The following TCF7L1 variants were observed in gnomAD, a reference collection of about 807,000 sequenced individuals.
TCF7L1 encodes transcription factor 7-like 1.
In TCF7L1, 18 loss-of-function variants were observed where a neutral mutation model predicts 63.7. The observed-to-expected ratio is 0.28, with a 90% CI of 0.20 to 0.42. The LOEUF is 0.42. Ranked by LOEUF, TCF7L1 falls within the 10% of genes least tolerant of loss-of-function variation. The pLI, the probability that TCF7L1 is intolerant of heterozygous loss-of-function variation, is 1.00. For missense variants in TCF7L1, 654 were observed against 779.3 expected (o/e 0.84, Z 1.91); for synonymous variants, 355 against 340.9 (o/e 1.04, Z -0.46).
chr2:85,264,449 C>T (rs1193305861), intron 3 of TCF7L1, among the ~76,000 whole-genome samples: 1 of 152,154 alleles, frequency 6.6e-6, no homozygotes, highest in African/African-American at 2.4e-5. Flanking sequence ...GATTGGGTTT[C>T]AGAGTCTGGA....
At chr2:85,307,569 C>A (rs1483227170) in intron 10 of TCF7L1, 73 bp from the exon 11 acceptor site, 3 of 1,315,204 alleles carry the variant, frequency 2.3e-6, no homozygotes, top group Non-Finnish European at 3.3e-6. Flanking sequence ...TGTCTTCTCT[C>A]TGATCTGGGA....
At chr2:85,270,367 C>T (rs1681121271) in intron 3 of TCF7L1, among the ~76,000 whole-genome samples, 1 of 152,214 alleles carries the variant, frequency 6.6e-6, no homozygotes, top group Non-Finnish European at 1.5e-5. Context: ...AAGCCTTCAC[C>T]TCTGTCTAGG....
intron 3 of TCF7L1, among the ~76,000 whole-genome samples, chr2:85,192,186 T>A (rs1475726581): frequency 6.6e-6 from 1 of 152,196 alleles, no homozygotes; most frequent in Non-Finnish European, 1.5e-5. Context: ...CTAATGAAGA[T>A]ATGTCATCTT....
At chr2:85,191,982 A>C (rs1364022984) in intron 3 of TCF7L1, among the ~76,000 whole-genome samples, 3 of 152,218 alleles carry the variant, frequency 2.0e-5, no homozygotes, top group African/African-American at 7.2e-5. Context: ...GTCATTTTGC[A>C]GCATGGAACT....
chr2:85,287,443 C>T (rs546472926), intron 4 of TCF7L1, among the ~76,000 whole-genome samples: 26 of 152,264 alleles, frequency 1.7e-4, no homozygotes, highest in African/African-American at 5.1e-4. Context: ...GTTCTACACC[C>T]GTAGTTCCAA....
At chr2:85,185,664 G>T (rs1181852473) in intron 3 of TCF7L1, among the ~76,000 whole-genome samples, 2 of 152,070 alleles carry the variant, frequency 1.3e-5, no homozygotes, top group Admixed American at 1.3e-4. Context: ...TGGAGAGAGA[G>T]GATGTGTCTC....
chr2:85,302,763 A>T, intron 5 of TCF7L1, 147 bp downstream of exon 5: 1 of 1,094,166 alleles, frequency 9.1e-7, no homozygotes, highest in Non-Finnish European at 1.3e-6. Flanking sequence ...TGCTAACTTT[A>T]GCCTTGTCAT....
chr2:85,274,114 C>T (rs1681217458), intron 3 of TCF7L1, among the ~76,000 whole-genome samples: 1 of 152,158 alleles, frequency 6.6e-6, no homozygotes. Flanking sequence ...GAAAGGAGGA[C>T]TGGGCCTCCA....
intron 4 of TCF7L1, among the ~76,000 whole-genome samples, chr2:85,299,289 C>T (rs190638596): frequency 4.7e-4 from 72 of 152,180 alleles, no homozygotes; most frequent in Admixed American, 4.5e-3. Context: ...GTGGCTCACA[C>T]CTGTAATCCC....
chr2:85,191,983 G>A (rs1161033308), intron 3 of TCF7L1, among the ~76,000 whole-genome samples: 2 of 152,190 alleles, frequency 1.3e-5, no homozygotes, highest in African/African-American at 2.4e-5. Flanking sequence ...TCATTTTGCA[G>A]CATGGAACTT....
chr2:85,264,727 T>C (rs1412890799), intron 3 of TCF7L1, among the ~76,000 whole-genome samples: 1 of 152,162 alleles, frequency 6.6e-6, no homozygotes, highest in Non-Finnish European at 1.5e-5. Flanking sequence ...TAGCCTAGCC[T>C]GGATGCTTGA....
At chr2:85,260,437 G>T (rs1680832239) in intron 3 of TCF7L1, among the ~76,000 whole-genome samples, 1 of 151,874 alleles carries the variant, frequency 6.6e-6, no homozygotes, top group Admixed American at 6.6e-5. Context: ...AGGAGTTCGA[G>T]ACCAGCCTGG....
intron 3 of TCF7L1, among the ~76,000 whole-genome samples, chr2:85,143,179 T>A (rs1677786874): frequency 6.6e-6 from 1 of 152,222 alleles, no homozygotes; most frequent in East Asian, 1.9e-4. Context: ...AATATTTTCA[T>A]TTCTATTCAA....
At chr2:85,160,520 C>T (rs181265625) in intron 3 of TCF7L1, among the ~76,000 whole-genome samples, 176 of 152,200 alleles carry the variant, frequency 1.2e-3, no homozygotes, top group Non-Finnish European at 2.1e-3. Context: ...CTACTGCGCT[C>T]GGCCTTATTT....
chr2:85,216,553 ACC>A (rs1679717125), intron 3 of TCF7L1, among the ~76,000 whole-genome samples: 1 of 152,156 alleles, frequency 6.6e-6, no homozygotes. Context: ...AAGCAAACAT[ACC>A]AGCCCACAAA....
Position 85,204,243 on chromosome 2 carries a change from A to AT in TCF7L1, c.441+69799dup, listed in dbSNP as rs1417131831. ...ACAACTACTATGTATTATTTTGTGG[A>AT]TTTTTTAACACAAAGAGGATTCTGT... On this transcript the variant is annotated intron_variant, in intron 3 of 11. Coordinates refer to ENST00000282111, the MANE Select transcript of TCF7L1 (RefSeq NM_031283.3). Among the ~76,000 whole-genome samples, 41 of 107,472 alleles carry AT rather than the reference A, an allele frequency of 3.8e-4. No homozygotes were observed. In the Admixed American group the frequency reaches 4.0e-3, roughly 10 times the overall value. The allele number at this position is 107,472 out of a possible 152,430, so 70.5% of individuals were successfully genotyped here.
chr2:85,288,332 C>T (rs1056633248), intron 4 of TCF7L1, among the ~76,000 whole-genome samples: 5 of 151,986 alleles, frequency 3.3e-5, no homozygotes, highest in Middle Eastern at 3.2e-3. Flanking sequence ...CAGCCAGAGT[C>T]GAGGATCATT....
intron 3 of TCF7L1, among the ~76,000 whole-genome samples, chr2:85,270,304 A>G (rs1054908775): frequency 4.6e-5 from 7 of 152,180 alleles, no homozygotes; most frequent in African/African-American, 1.7e-4. Context: ...CTTTTGGTCA[A>G]TGGACTTTCT....
chr2:85,244,490 TGGAACAAATGTG>T (rs1218548457), intron 3 of TCF7L1, among the ~76,000 whole-genome samples: 1 of 151,950 alleles, frequency 6.6e-6, no homozygotes, highest in Non-Finnish European at 1.5e-5. Context: ...GATTTGCTGA[TGGAACAAATGTG>T]GGGAGCAAGA....
Sources: allele counts gnomAD v4.1 joint callset (sites outside exome capture counted in the v4.1 genomes callset), GRCh38; gene constraint gnomAD v4.1.1; transcripts MANE v1.5; gene names NCBI Gene and HGNC (gene_info 2026-07-23, HGNC 2026-07-21).